Variants in BLK observed in about 807,000 individuals in gnomAD.
The protein encoded by BLK is tyrosine-protein kinase Blk.
In BLK, 64 loss-of-function variants were observed where a neutral mutation model predicts 61.8. The ratio of observed to expected loss-of-function variants is 1.03; its 90% CI spans 0.85 to 1.27. The LOEUF (loss-of-function observed/expected upper bound fraction) is 1.27. BLK is among the 50% of genes most tolerant of loss of function. The probability of loss-of-function intolerance (pLI) is 0.00; values close to 1 mark genes in which losing one functional copy is unlikely to be tolerated. For synonymous variants in BLK, 351 were observed against 272.0 expected, an observed-to-expected ratio of 1.29 and a Z score of -2.86; for missense variants, 853 against 660.5, an observed-to-expected ratio of 1.29 and a Z score of -3.19.
intron 12 of BLK, 89 bp downstream of exon 12, chr8:11,563,199 C>G: frequency 4.4e-6 from 7 of 1,578,572 alleles, no homozygotes; most frequent in Non-Finnish European, 6.0e-6. Context: ...TGTGGCTGCC[C>G]TGTTCTTTTC....
intron 2 of BLK, 47 bp from the exon 3 acceptor site, chr8:11,546,005 C>G (rs1230366366): frequency 1.3e-6 from 2 of 1,599,550 alleles, no homozygotes; most frequent in Admixed American, 1.7e-5. Flanking sequence ...AGGCCCCACC[C>G]ACGCAGCAGG....
intron 5 of BLK, chr8:11,549,876 G>A (rs886478737): frequency 1.6e-5 from 7 of 449,130 alleles, no homozygotes; most frequent in African/African-American, 6.0e-5. Flanking sequence ...GTGATCAGGG[G>A]CATTTTTCCA....
chr8:11,530,407 A>G (rs1189531315), intron 1 of BLK, among the ~76,000 whole-genome samples: 2 of 152,216 alleles, frequency 1.3e-5, no homozygotes, highest in African/African-American at 4.8e-5. Flanking sequence ...GGCTTTCATC[A>G]TCTCTGTAGG....
chr8:11,499,552 G>C (rs763178630), intron 1 of BLK, among the ~76,000 whole-genome samples: 2 of 152,126 alleles, frequency 1.3e-5, no homozygotes, highest in African/African-American at 2.4e-5. Flanking sequence ...GCTGAAGGCT[G>C]CATAAGAAAC....
chr8:11,526,683 C>T (rs898236219), intron 1 of BLK, among the ~76,000 whole-genome samples: 3 of 152,188 alleles, frequency 2.0e-5, no homozygotes, highest in African/African-American at 7.2e-5. Flanking sequence ...TGTGCCAGTG[C>T]ACTCCAGCCT....
chr8:11,520,315 A>C (rs1585347683), intron 1 of BLK, among the ~76,000 whole-genome samples: 1 of 151,750 alleles, frequency 6.6e-6, no homozygotes, highest in Non-Finnish European at 1.5e-5. Flanking sequence ...TCCCTCTATA[A>C]AATTTACAAG....
chr8:11,559,477 TCA>T (rs762484778), intron 10 of BLK, among the ~76,000 whole-genome samples: 36 of 148,278 alleles, frequency 2.4e-4, no homozygotes, highest in African/African-American at 5.3e-4. Context: ...AAACACAAAC[TCA>T]CACAAACACA....
At chr8:11,495,350 C>T (rs1038513155) in intron 1 of BLK, among the ~76,000 whole-genome samples, 10 of 152,164 alleles carry the variant, frequency 6.6e-5, no homozygotes, top group Non-Finnish European at 1.2e-4. Flanking sequence ...TGCATATCCT[C>T]CTCCCTCGGG....
rs1228114555 is a variant in BLK, at chr8:11,564,559, G to T, written c.*451G>T. ...CAGCCCCAGCCTAGGCTGCGCTCCAGCACTGCGGGGCTTTTCTGCAATAAA... is the reference window on the plus strand; with the variant it reads ...CAGCCCCAGCCTAGGCTGCGCTCCATCACTGCGGGGCTTTTCTGCAATAAA... On this transcript the variant is annotated 3_prime_UTR_variant, in exon 13 of 13. Coordinates refer to ENST00000259089, the MANE Select transcript of BLK (RefSeq NM_001715.3). 2.2e-6 allele frequency: 1 copy of T among 447,498 alleles called. No homozygotes were observed. 27.7% of individuals were successfully genotyped at this position (447,498 alleles called of 1,614,324 possible).
At chr8:11,540,367 T>C (rs1800321316) in intron 1 of BLK, among the ~76,000 whole-genome samples, 1 of 152,226 alleles carries the variant, frequency 6.6e-6, no homozygotes, top group African/African-American at 2.4e-5. Context: ...TGTATGTTTT[T>C]TATTCTGCTC....
chr8:11,512,302 T>C (rs558261573), intron 1 of BLK, among the ~76,000 whole-genome samples: 1 of 152,324 alleles, frequency 6.6e-6, no homozygotes, highest in East Asian at 1.9e-4. Context: ...TGTTGTTTGT[T>C]TAGCTCTTTT....
At position 11,559,050 on chromosome 8, in the gene BLK, A is replaced by ACTG. The variant is rs779518930; in HGVS notation, c.1029+1021_1029+1023dup. ...CCCCAGGGCAGTGATAAGCCTGCCC[A>ACTG]CTGCTGCTGCTTCCTTTCCCCTTCC... On this transcript the variant is annotated intron_variant, in intron 10 of 12. Coordinates refer to ENST00000259089, the MANE Select transcript of BLK (RefSeq NM_001715.3). The ACTG allele has an allele frequency of 3.3e-4, 148 of 454,190 alleles. 1 individual carries two copies. The highest frequency in any genetic ancestry group is 6.7e-5 in the Non-Finnish European group (15 of 225,294). 28.1% of individuals were successfully genotyped at this position (454,190 alleles called of 1,614,324 possible). A position where few individuals can be genotyped will look rare whatever the true frequency, so the allele number is the denominator to read the frequency against.
At chr8:11,516,528 A>T (rs1232280094) in intron 1 of BLK, among the ~76,000 whole-genome samples, 2 of 152,246 alleles carry the variant, frequency 1.3e-5, no homozygotes, top group Non-Finnish European at 2.9e-5. Flanking sequence ...TGCATTTTCT[A>T]TCTTCTCCCA....
At chr8:11,525,361 C>T (rs984665499) in intron 1 of BLK, among the ~76,000 whole-genome samples, 1 of 152,198 alleles carries the variant, frequency 6.6e-6, no homozygotes, top group African/African-American at 2.4e-5. Context: ...AGAAGTCTCA[C>T]TGTTAGTAGT....
chr8:11,557,961 G>A lies in BLK; in HGVS notation c.953-1G>A. The A allele has an allele frequency of 2.5e-6, 4 of 1,613,808 alleles. No individual in the cohort carries two copies. Among genetic ancestry groups the A allele is most frequent in the Non-Finnish European group, 3.4e-6 (4 of 1,179,778 alleles). ...GGCACTTGCAACTTCTCTTTTCTTAGGATGCCTGCTGGATTTCCTGAAGAC... is the reference window on the plus strand; with the variant it reads ...GGCACTTGCAACTTCTCTTTTCTTAAGATGCCTGCTGGATTTCCTGAAGAC... On this transcript the variant is annotated splice_acceptor_variant, in intron 9 of 12. Coordinates refer to ENST00000259089, the MANE Select transcript of BLK (RefSeq NM_001715.3). LOFTEE classifies it high-confidence loss of function.
chr8:11,498,322 G>A (rs555014342), intron 1 of BLK, among the ~76,000 whole-genome samples: 1 of 152,280 alleles, frequency 6.6e-6, no homozygotes, highest in South Asian at 2.1e-4. Context: ...AGATGAAGTG[G>A]GTTCTGAGCA....
intron 1 of BLK, among the ~76,000 whole-genome samples, chr8:11,533,952 C>T (rs772753846): frequency 2.0e-5 from 3 of 152,242 alleles, no homozygotes; most frequent in Admixed American, 6.5e-5. Context: ...CCCGTGTTGG[C>T]GGGCCTGCCT....
At chr8:11,534,288 G>A (rs949507883) in intron 1 of BLK, among the ~76,000 whole-genome samples, 2 of 152,210 alleles carry the variant, frequency 1.3e-5, no homozygotes, top group Admixed American at 6.5e-5. Context: ...AAGGCCCATA[G>A]TCTCATCAAT....
At chr8:11,541,172 T>A (rs1585383862) in intron 1 of BLK, among the ~76,000 whole-genome samples, 1 of 37,686 alleles carries the variant, frequency 2.7e-5, no homozygotes, top group Non-Finnish European at 4.9e-5. Flanking sequence ...GAGGCTGAGG[T>A]GGGAGGATCA....
Sources: gnomAD v4.1 joint callset for allele counts (sites outside exome capture counted in the v4.1 genomes callset) on GRCh38, gnomAD v4.1.1 for gene constraint, MANE v1.5 for transcripts, NCBI Gene and HGNC (gene_info 2026-07-23, HGNC 2026-07-21) for gene names.